CCDC178: variants seen among roughly 807,000 people sequenced by gnomAD.
CCDC178 encodes coiled-coil domain containing 178, also known as coiled-coil domain-containing protein 178.
Under a neutral mutation model 117.4 loss-of-function variants are expected in CCDC178, and 126 were observed. That is an observed-to-expected ratio of 1.07 (90% confidence interval 0.93 to 1.24). The LOEUF is 1.24. Among genes scored for constraint, CCDC178 ranks in the 50% most tolerant of loss-of-function variants. CCDC178 has a pLI of 0.00. For synonymous variants in CCDC178, 283 were observed against 313.4 expected, an observed-to-expected ratio of 0.90 and a Z score of 1.02; for missense variants, 1,030 against 986.9, an observed-to-expected ratio of 1.04 and a Z score of -0.59.
chr18:32,993,529 C>T (rs921313496), intron 21 of CCDC178, among the ~76,000 whole-genome samples: 2 of 152,234 alleles, frequency 1.3e-5, no homozygotes, highest in Non-Finnish European at 2.9e-5. Context: ...ATGTTGCTGT[C>T]TAACACCACT....
At chr18:33,277,982 C>G (rs2059970526) in intron 12 of CCDC178, among the ~76,000 whole-genome samples, 1 of 152,006 alleles carries the variant, frequency 6.6e-6, no homozygotes, top group Non-Finnish European at 1.5e-5. Flanking sequence ...CTGCCTGGGC[C>G]CATGATCCAC....
chr18:32,953,334 A>T (rs1791643928), intron 22 of CCDC178, among the ~76,000 whole-genome samples: 1 of 152,190 alleles, frequency 6.6e-6, no homozygotes, highest in South Asian at 2.1e-4. Context: ...GGTCCAAGCC[A>T]TTCAACAAGT....
chr18:33,003,582 C>A (rs2055686753), intron 21 of CCDC178, among the ~76,000 whole-genome samples: 1 of 152,052 alleles, frequency 6.6e-6, no homozygotes, highest in African/African-American at 2.4e-5. Context: ...TAGTATCATA[C>A]TGATGGGGAA....
intron 9 of CCDC178, among the ~76,000 whole-genome samples, chr18:33,341,001 G>T (rs868493751): frequency 1.3e-5 from 2 of 152,112 alleles, no homozygotes; most frequent in African/African-American, 2.4e-5. Context: ...CCCACAGCTT[G>T]CACATGTGCC....
chr18:33,404,685 T>A, intron 3 of CCDC178, among the ~76,000 whole-genome samples: 1 of 152,234 alleles, frequency 6.6e-6, no homozygotes, highest in East Asian at 1.9e-4. Context: ...TTATTCATAA[T>A]ATTCCTAAAA....
At chr18:33,227,334 T>A (rs114600638) in intron 15 of CCDC178, among the ~76,000 whole-genome samples, 1 of 151,138 alleles carries the variant, frequency 6.6e-6, no homozygotes, top group Admixed American at 6.6e-5. Context: ...AGGGAAAAAA[T>A]TTGGAAAAAT....
chr18:33,156,637 C>T (rs1420977515), intron 20 of CCDC178, among the ~76,000 whole-genome samples: 1 of 69,130 alleles, frequency 1.4e-5, no homozygotes, highest in Non-Finnish European at 3.0e-5. Flanking sequence ...CTAATCCTCC[C>T]TCTCAAAAAA....
At chr18:33,177,525 C>A (rs1216923884) in intron 20 of CCDC178, among the ~76,000 whole-genome samples, 2 of 152,076 alleles carry the variant, frequency 1.3e-5, no homozygotes, top group African/African-American at 4.8e-5. Context: ...ATCTCCTTTG[C>A]TCGTGTAAAA....
chr18:33,114,376 G>C (rs1474455447), intron 20 of CCDC178, among the ~76,000 whole-genome samples: 1 of 151,988 alleles, frequency 6.6e-6, no homozygotes, highest in Non-Finnish European at 1.5e-5. Flanking sequence ...GAGAATGGGG[G>C]GTGGGGAACT....
chr18:33,419,232 G>A (rs897324362), intron 2 of CCDC178, among the ~76,000 whole-genome samples: 7 of 152,016 alleles, frequency 4.6e-5, no homozygotes, highest in African/African-American at 1.7e-4. Context: ...TAACTGGCTA[G>A]CTATATGCAA....
In CCDC178 at chr18:33,439,942, C is replaced by G. The variant is rs150250403; in HGVS notation, c.-23+20G>C. Reference sequence around the variant, plus strand: ...ACTTTTGTCAAATCACAAATCAGCTCTGAATATCACTTTTCTCACCTGTAA... The same window carrying G: ...ACTTTTGTCAAATCACAAATCAGCTGTGAATATCACTTTTCTCACCTGTAA... On this transcript the variant is annotated intron_variant, in intron 2 of 22. Coordinates refer to ENST00000383096, the MANE Select transcript of CCDC178 (RefSeq NM_001105528.4). The G allele has an allele frequency of 6.6e-6, 1 of 152,146 alleles. No homozygotes were observed. The highest frequency in any genetic ancestry group is 6.5e-5 in the Admixed American group (1 of 15,286). The allele number at this position is 152,146 out of a possible 1,614,324, so 9.4% of individuals were successfully genotyped here.
intron 21 of CCDC178, among the ~76,000 whole-genome samples, chr18:33,045,990 C>A (rs2056635064): frequency 6.6e-6 from 1 of 152,174 alleles, no homozygotes; most frequent in Admixed American, 6.5e-5. Flanking sequence ...ATCATTTGAA[C>A]CTGAGAGGCG....
At chr18:32,986,007 C>T (rs1648717229) in intron 21 of CCDC178, among the ~76,000 whole-genome samples, 1 of 151,916 alleles carries the variant, frequency 6.6e-6, no homozygotes, top group Non-Finnish European at 1.5e-5. Context: ...TTTGTTTTTG[C>T]ACTGTTTCTA....
intron 22 of CCDC178, among the ~76,000 whole-genome samples, chr18:32,959,602 T>C (rs2054665264): frequency 1.3e-5 from 2 of 151,982 alleles, no homozygotes; most frequent in Non-Finnish European, 2.9e-5. Flanking sequence ...TGTATCCTAA[T>C]TTTTTTTCTC....
chr18:33,349,335 G>A lies in CCDC178; in HGVS notation c.372-360C>T, dbSNP rs550430067. Among the ~76,000 whole-genome samples, 6 of 151,838 alleles carry A rather than the reference G, an allele frequency of 4.0e-5. No homozygotes were observed. The East Asian group carries it at 1.2e-3, about 29-fold the overall frequency. ...CTGTAATTTCAGTTCAGTAGTGCCT[G>A]GGAAATCAATGTAAATTACAATGAG... On this transcript the variant is annotated intron_variant, in intron 7 of 22. Transcript: ENST00000383096.
At chr18:33,047,427 G>A (rs1233632604) in intron 21 of CCDC178, among the ~76,000 whole-genome samples, 1 of 152,108 alleles carries the variant, frequency 6.6e-6, no homozygotes, top group Non-Finnish European at 1.5e-5. Flanking sequence ...CACTGGCTAT[G>A]TTTGTCAACT....
intron 16 of CCDC178, among the ~76,000 whole-genome samples, chr18:33,226,280 A>C (rs2059302864): frequency 6.6e-6 from 1 of 152,234 alleles, no homozygotes; most frequent in Admixed American, 6.5e-5. Flanking sequence ...AAGGGGAGGC[A>C]TTCTAGAAAC....
chr18:33,059,059 A>C (rs980962191), intron 21 of CCDC178, among the ~76,000 whole-genome samples: 1 of 152,028 alleles, frequency 6.6e-6, no homozygotes, highest in African/African-American at 2.4e-5. Context: ...CTACAGACTT[A>C]GGAAAAATCA....
chr18:33,093,384 C>T (rs770881461), intron 20 of CCDC178, among the ~76,000 whole-genome samples: 14 of 151,906 alleles, frequency 9.2e-5, no homozygotes, highest in Non-Finnish European at 2.1e-4. Flanking sequence ...CCACAGAAAA[C>T]ATTAAAAACA....
Sources: gnomAD v4.1 joint callset for allele counts (sites outside exome capture counted in the v4.1 genomes callset) on GRCh38, gnomAD v4.1.1 for gene constraint, MANE v1.5 for transcripts, NCBI Gene and HGNC (gene_info 2026-07-23, HGNC 2026-07-21) for gene names.